The following EHHADH variants were observed in gnomAD, a reference collection of about 807,000 sequenced individuals.
EHHADH encodes peroxisomal bifunctional enzyme.
Under a neutral mutation model 64.4 loss-of-function variants are expected in EHHADH, and 48 were observed. That is an observed-to-expected ratio of 0.75 (90% confidence interval 0.59 to 0.95). The LOEUF (loss-of-function observed/expected upper bound fraction) is 0.95, where lower values mean the gene tolerates loss of function less well. Ranked by LOEUF, EHHADH falls within the 40% of genes least tolerant of loss-of-function variation. The probability of loss-of-function intolerance (pLI) is 0.00; values close to 1 mark genes in which losing one functional copy is unlikely to be tolerated. For missense variants in EHHADH, 854 were observed against 876.6 expected, an observed-to-expected ratio of 0.97 and a Z score of 0.33; for synonymous variants, 308 against 326.7, an observed-to-expected ratio of 0.94 and a Z score of 0.62.
chr3:185,225,164 G>A (rs1200466969), intron 4 of EHHADH, among the ~76,000 whole-genome samples: 1 of 152,110 alleles, frequency 6.6e-6, no homozygotes, highest in Admixed American at 6.5e-5. Context: ...TAAACCCCAG[G>A]CCTGTCTATC....
chr3:185,253,688 CTCAGCCTCA>C, intron 1 of EHHADH: 1 of 730,490 alleles, frequency 1.4e-6, no homozygotes, highest in Non-Finnish European at 2.0e-6. Context: ...CTGTCTCAGC[CTCAGCCTCA>C]GTTTCCTTAT....
At chr3:185,206,284 A>T (rs1057487198) in intron 5 of EHHADH, among the ~76,000 whole-genome samples, 10 of 95,268 alleles carry the variant, frequency 1.0e-4, no homozygotes, top group Non-Finnish European at 1.3e-4. Flanking sequence ...CAAAAACAAT[A>T]AAAAAAAAAA....
At chr3:185,219,129 G>A (rs1718770544) in intron 4 of EHHADH, among the ~76,000 whole-genome samples, 1 of 152,146 alleles carries the variant, frequency 6.6e-6, no homozygotes, top group African/African-American at 2.4e-5. Context: ...ATTCTATAAG[G>A]TATAATTAAA....
At chr3:185,237,446 A>G (rs1719326764) in intron 2 of EHHADH, among the ~76,000 whole-genome samples, 1 of 152,202 alleles carries the variant, frequency 6.6e-6, no homozygotes, top group South Asian at 2.1e-4. Flanking sequence ...TTCCTTTCTC[A>G]TAAGGAAAGC....
At chr3:185,203,111 A>G (rs1718277723) in intron 6 of EHHADH, among the ~76,000 whole-genome samples, 1 of 152,126 alleles carries the variant, frequency 6.6e-6, no homozygotes, top group African/African-American at 2.4e-5. Context: ...AAAAATCAGA[A>G]TAAGGGCTAT....
At chr3:185,210,091 A>C (rs1718499444) in intron 5 of EHHADH, among the ~76,000 whole-genome samples, 1 of 152,168 alleles carries the variant, frequency 6.6e-6, no homozygotes, top group South Asian at 2.1e-4. Flanking sequence ...TGGAGGCACA[A>C]GCGGAGGAGG....
intron 5 of EHHADH, among the ~76,000 whole-genome samples, chr3:185,215,482 T>C (rs1577362298): frequency 1.3e-5 from 2 of 152,292 alleles, no homozygotes; most frequent in East Asian, 3.9e-4. Context: ...AGTAGGTCAC[T>C]GGTTGCCTGC....
intron 5 of EHHADH, 22 bp from the exon 6 acceptor site, chr3:185,204,779 A>C (rs1484088915): frequency 6.4e-7 from 1 of 1,557,072 alleles, no homozygotes; most frequent in Non-Finnish European, 8.7e-7. Context: ...AAGAAGGATC[A>C]GAGCTTTGGA....
At position 185,245,489 on chromosome 3, in the gene EHHADH, G is replaced by A. The variant is rs140148479; in HGVS notation, c.178+2925C>T. 35 of 1,046,078 alleles carry A rather than the reference G, an allele frequency of 3.3e-5. 1 individual carries two copies. The highest frequency in any genetic ancestry group is 2.3e-4 in the South Asian group (15 of 65,728). The allele number at this position is 1,046,078 out of a possible 1,614,324, so 64.8% of individuals were successfully genotyped here. On this transcript the variant is annotated intron_variant, in intron 2 of 6. Transcript: ENST00000231887. ...TTAGCTTTGGCACAGGGCTGTGCTC[G>A]CTTGCCCATGACAGTCTGGAAGCCA... is the stretch of plus-strand genomic sequence containing the variant.
chr3:185,254,013 A>G lies in EHHADH; in HGVS notation c.10T>C (p.Tyr4His), dbSNP rs780548922. 1.2e-6 allele frequency: 2 copies of G among 1,613,422 alleles called. No individual in the cohort carries two copies. Among genetic ancestry groups the G allele is most frequent in the African/African-American group, 2.7e-5 (2 of 74,810 alleles). MAE[Y>H]TRLHNALALI... Reference sequence around the variant, plus strand: ...GCCAAGGCGTTGTGCAGCCGCGTATACTCGGCCATGTTTCCTCTATCACCG... The same window carrying G: ...GCCAAGGCGTTGTGCAGCCGCGTATGCTCGGCCATGTTTCCTCTATCACCG... Residue 4 changes from tyrosine to histidine, a missense_variant, in exon 1 of 7, where the codon TAT (tyrosine) becomes CAT (histidine). Coordinates refer to ENST00000231887, the MANE Select transcript of EHHADH (RefSeq NM_001966.4).
intron 6 of EHHADH, among the ~76,000 whole-genome samples, chr3:185,203,278 A>G (rs1240079239): frequency 1.3e-5 from 2 of 152,144 alleles, no homozygotes; most frequent in Admixed American, 1.3e-4. Flanking sequence ...AAATATAGTA[A>G]AACGTTAACA....
At chr3:185,206,803 G>C (rs1470642407) in intron 5 of EHHADH, among the ~76,000 whole-genome samples, 2 of 151,718 alleles carry the variant, frequency 1.3e-5, no homozygotes, top group Non-Finnish European at 2.9e-5. Flanking sequence ...ACTCCAGCCA[G>C]GGTGACAGAG....
At chr3:185,205,753 G>A (rs1718370717) in intron 5 of EHHADH, among the ~76,000 whole-genome samples, 1 of 152,170 alleles carries the variant, frequency 6.6e-6, no homozygotes. Context: ...ACGTGAGGTT[G>A]GAAGGTCACC....
At chr3:185,215,633 A>G (rs960063654) in intron 5 of EHHADH, among the ~76,000 whole-genome samples, 1 of 152,224 alleles carries the variant, frequency 6.6e-6, no homozygotes, top group Non-Finnish European at 1.5e-5. Context: ...CTTAAAATGC[A>G]TGAATTTTAT....
At chr3:185,235,193 A>C in intron 3 of EHHADH, 97 bp downstream of exon 3, 1 of 1,239,354 alleles carries the variant, frequency 8.1e-7, no homozygotes, top group Non-Finnish European at 1.1e-6. Flanking sequence ...AAAACAAATA[A>C]ATAAAATAAT....
intron 6 of EHHADH, among the ~76,000 whole-genome samples, chr3:185,193,999 C>T (rs1717988971): frequency 6.6e-6 from 1 of 152,110 alleles, no homozygotes; most frequent in South Asian, 2.1e-4. Flanking sequence ...GGTAATACTA[C>T]CCAAATTGAT....
At position 185,192,542 on chromosome 3, in the gene EHHADH, A is replaced by G. The variant is rs769953706; in HGVS notation, c.1856T>C (p.Ile619Thr). 4.3e-6 allele frequency: 7 copies of G among 1,614,198 alleles called. No homozygotes were observed. Among genetic ancestry groups the G allele is most frequent in the Non-Finnish European group, 5.1e-6 (6 of 1,180,038 alleles). Residue 619 changes from isoleucine (I) to threonine (T), a missense_variant, in exon 7 of 7, where the codon ATC becomes ACC. Ile to Thr is a moderately conservative substitution (Grantham distance 89). Coordinates refer to ENST00000231887, the MANE Select transcript of EHHADH (RefSeq NM_001966.4). The part of the protein sequence containing the change: ...IEPRTISQDE[I>T]LERCLYSLIN... ...AAGTGAATATAAGCAGCGTTCAAGGATCTCATCCTGGCTAATGGTACGTGG... is the reference window on the plus strand; with the variant it reads ...AAGTGAATATAAGCAGCGTTCAAGGGTCTCATCCTGGCTAATGGTACGTGG...
Position 185,204,230 on chromosome 3 carries a change from T to C in EHHADH, c.910+186A>G, listed in dbSNP as rs564980667. On this transcript the variant is annotated intron_variant, in intron 6 of 6. Transcript: ENST00000231887. ...ACCCTACTCGTGTTTAGCTCACCAT[T>C]GAGAAGGCTGGCGTCTCTAGGCCTC... is the stretch of plus-strand genomic sequence containing the variant. 7.2e-5 allele frequency among the ~76,000 whole-genome samples: 11 copies of C among 152,024 alleles called. No homozygotes were observed. The East Asian group carries it at 1.9e-3, about 27-fold the overall frequency.
intron 6 of EHHADH, among the ~76,000 whole-genome samples, chr3:185,201,941 CACA>C (rs528073936): frequency 1.3e-5 from 2 of 152,172 alleles, no homozygotes; most frequent in Non-Finnish European, 2.9e-5. Flanking sequence ...AGGTTAAGTG[CACA>C]ACAACTAGAA....
Sources: gnomAD v4.1 joint callset for allele counts (sites outside exome capture counted in the v4.1 genomes callset) on GRCh38, gnomAD v4.1.1 for gene constraint, MANE v1.5 for transcripts, NCBI Gene and HGNC (gene_info 2026-07-23, HGNC 2026-07-21) for gene names.